Variants in ARHGAP9 observed in about 807,000 individuals in gnomAD.
ARHGAP9 encodes the protein rho GTPase-activating protein 9.
ARHGAP9 carries 76 observed loss-of-function variants against 87.3 expected under a neutral mutation model. The observed-to-expected ratio is 0.87, with a 90% CI of 0.72 to 1.05. The LOEUF (loss-of-function observed/expected upper bound fraction) is 1.05. Ranked by LOEUF, ARHGAP9 falls within the 50% of genes least tolerant of loss-of-function variation. ARHGAP9 has a pLI of 0.00. For missense variants in ARHGAP9, 941 were observed against 960.5 expected (o/e 0.98, Z 0.27); for synonymous variants, 382 against 394.9 (o/e 0.97, Z 0.39).
intron 3 of ARHGAP9, chr12:57,478,008 T>A: frequency 8.8e-7 from 1 of 1,140,594 alleles, no homozygotes; most frequent in Non-Finnish European, 1.1e-6. Flanking sequence ...CACCCTCACA[T>A]CCTGCAAGGT....
upstream of ARHGAP9, among the ~76,000 whole-genome samples, chr12:57,484,848 G>T (rs1875280622): frequency 2.0e-5 from 3 of 151,912 alleles, no homozygotes; most frequent in African/African-American, 7.3e-5. Flanking sequence ...GTTTCACTAT[G>T]TTGGCCAGGA....
chr12:57,486,565 C>CG (rs1467145374), intron 1 of ARHGAP9, among the ~76,000 whole-genome samples: 1 of 146,512 alleles, frequency 6.8e-6, no homozygotes, highest in Non-Finnish European at 1.5e-5. Context: ...CCACCGCGCC[C>CG]GGCCTTACTT....
In ARHGAP9 at chr12:57,475,371, T is replaced by C; in HGVS notation, c.1472A>G (p.Asn491Ser). The part of the protein sequence containing the change: ...SIRGPEGTEQ[N>S]RVRNKLKRLI... ...CCGCTTTAGTTTGTTGCGCACGCGG[T>C]TCTGCTCGGTGCCTTCGGGCCCCCG... is the stretch of plus-strand genomic sequence containing the variant. The change falls in exon 12 of 18, where the codon AAC becomes AGC. Residue 491 changes from asparagine (N) to serine (S), a missense_variant. Transcript: ENST00000393791. The C allele has an allele frequency of 2.5e-6, 4 of 1,600,486 alleles. No homozygotes were observed. The highest frequency in any genetic ancestry group is 3.4e-6 in the Non-Finnish European group (4 of 1,173,450).
At chr12:57,480,550 G>T (rs1195507705), upstream of ARHGAP9, among the ~76,000 whole-genome samples, 1 of 152,158 alleles carries the variant, frequency 6.6e-6, no homozygotes, top group East Asian at 1.9e-4. Flanking sequence ...AGGCACTGGA[G>T]ATGAGAGAAG....
rs768620745 is a variant in ARHGAP9 at position 57,475,492 on chromosome 12, G to T, written c.1435C>A (p.Arg479=). The T allele has an allele frequency of 5.0e-6, 8 of 1,601,546 alleles. No homozygotes were observed. The East Asian group carries it at 1.8e-4, about 36-fold the overall frequency. The change falls in exon 11 of 18, where the codon CGG becomes AGG. Residue 479 remains arginine, a synonymous_variant. Transcript: ENST00000393791. The part of the protein sequence containing the change: ...SKPLLRLSSR[R]SSIRGPEGTE... ...CCAGCCCGCGCCTCACTGGAGCTCC[G>T]GCGGCTGCTGAGGCGCAGCAGCGGC...
chr12:57,473,937 C>T (rs929604130), intron 16 of ARHGAP9, 105 bp downstream of exon 16: 24 of 1,451,826 alleles, frequency 1.7e-5, no homozygotes, highest in Non-Finnish European at 2.1e-5. Flanking sequence ...TATTTTCCAT[C>T]TCTAAAGTCA....
chr12:57,488,503 C>T (rs1875643271), intron 1 of ARHGAP9: 4 of 1,433,662 alleles, frequency 2.8e-6, no homozygotes, highest in Admixed American at 3.9e-5. Context: ...TATCAGGCAT[C>T]CCCCTCTGCT....
At chr12:57,474,210 G>A in intron 15 of ARHGAP9, 34 bp from the exon 16 acceptor site, 1 of 1,598,894 alleles carries the variant, frequency 6.3e-7, no homozygotes, top group Non-Finnish European at 8.5e-7. Context: ...GGCTCATGAA[G>A]GGCCAGAAAG....
Position 57,473,512 on chromosome 12 carries a change from T to G in ARHGAP9, c.2024+91A>C, listed in dbSNP as rs200918760. ...CACCTGCCCATTAAACTTAGGTGCTTCCCTACCTTCACTCCACCTGCACAG... is the reference window on the plus strand; with the variant it reads ...CACCTGCCCATTAAACTTAGGTGCTGCCCTACCTTCACTCCACCTGCACAG... On this transcript the variant is annotated intron_variant, in intron 17 of 17. Coordinates refer to ENST00000393791, the MANE Select transcript of ARHGAP9 (RefSeq NM_032496.4). 37 of 1,212,242 alleles carry G rather than the reference T, an allele frequency of 3.1e-5. No individual in the cohort carries two copies. The East Asian group carries it at 8.7e-4, about 28-fold the overall frequency. 75.1% of individuals were successfully genotyped at this position (1,212,242 alleles called of 1,614,324 possible). A position where few individuals can be genotyped will look rare whatever the true frequency, so the allele number is the denominator to read the frequency against.
chr12:57,482,848 A>G (rs1875128517), upstream of ARHGAP9, among the ~76,000 whole-genome samples: 1 of 151,840 alleles, frequency 6.6e-6, no homozygotes, highest in Admixed American at 6.5e-5. Context: ...GCTCAATCCC[A>G]GCACTTTGGG....
chr12:57,484,040 CAAAAA>C (rs746542310), upstream of ARHGAP9: 201 of 40,572 alleles, frequency 5.0e-3, no homozygotes, highest in South Asian at 0.015. Context: ...GACCCTGTCT[CAAAAA>C]AAAAAAAAAA....
chr12:57,477,601 G>A lies in ARHGAP9; in HGVS notation c.614C>T (p.Pro205Leu). ...CAGCAGGGGGCATGCAGGGCCTGGG[G>A]GTGGGGACCGAGGACAGCGGCGAAG... The part of the protein sequence containing the change: ...VDLRRCPRSP[P>L]PGPACPLLQR... The change falls in exon 4 of 18, where the codon CCC (proline) becomes CTC (leucine). Residue 205 changes from proline to leucine, a missense_variant. By Grantham distance (98) the Pro-to-Leu change is moderately conservative (BLOSUM62 -3). Coordinates refer to ENST00000393791, the MANE Select transcript of ARHGAP9 (RefSeq NM_032496.4). 6.2e-7 allele frequency: 1 copy of A among 1,613,322 alleles called. No homozygotes were observed. Among genetic ancestry groups the A allele is most frequent in the Non-Finnish European group, 8.5e-7 (1 of 1,179,574 alleles).
Position 57,478,294 on chromosome 12 carries a change from C to T in ARHGAP9, c.534+246G>A, listed in dbSNP as rs1463042877. 5 of 508,456 alleles carry T rather than the reference C, an allele frequency of 9.8e-6. No homozygotes were observed. The East Asian group carries it at 1.4e-4, about 14-fold the overall frequency. 31.5% of individuals were successfully genotyped at this position (508,456 alleles called of 1,614,324 possible). On this transcript the variant is annotated intron_variant, in intron 3 of 17. Transcript: ENST00000393791. ...CCTTCTCACCTCCTACCCAGTTTGC[C>T]TCTCGGCTGCCTCTTTCTCCTCCTT...
At chr12:57,477,983 T>C in intron 3 of ARHGAP9, 2 of 1,210,584 alleles carry the variant, frequency 1.7e-6, no homozygotes, top group Non-Finnish European at 2.1e-6. Context: ...GGGGGGAATG[T>C]TGAAGGGGGT....
chr12:57,480,185 G>A, upstream of ARHGAP9: 1 of 747,384 alleles, frequency 1.3e-6, no homozygotes, highest in African/African-American at 1.9e-5. Context: ...GTTCATTCAT[G>A]CTTTTTTTTT....
rs745351058 is a variant in ARHGAP9 at position 57,479,162 on chromosome 12, T to C, written c.245A>G (p.Tyr82Cys). The C allele has an allele frequency of 5.3e-5, 85 of 1,614,028 alleles. No individual in the cohort carries two copies. The highest frequency in any genetic ancestry group is 6.9e-5 in the Non-Finnish European group (82 of 1,180,018). The change falls in exon 2 of 18, where the codon TAT becomes TGT. Residue 82 changes from tyrosine (Y) to cysteine (C), a missense_variant. Physicochemically the swap from Tyr to Cys is radical, Grantham distance 194. Transcript: ENST00000393791. ...TSRPIFVPAAYMIEESIPSQS... is the reference protein window; with the variant it reads ...TSRPIFVPAACMIEESIPSQS... ...GGAAGGGATGGATTCCTCTATCATA[T>C]AGGCTGCTGGGACGAAGATGGGTCG...
At chr12:57,476,328 G>T in intron 8 of ARHGAP9, 36 bp downstream of exon 8, 3 of 1,604,014 alleles carry the variant, frequency 1.9e-6, no homozygotes, top group Non-Finnish European at 2.6e-6. Context: ...GGTAGGCAGC[G>T]CCCGCACCCA....
chr12:57,485,239 G>A (rs1393714422), intron 1 of ARHGAP9, among the ~76,000 whole-genome samples: 2 of 150,720 alleles, frequency 1.3e-5, no homozygotes, highest in Non-Finnish European at 3.0e-5. Context: ...GAACCACCAC[G>A]CCCAGCCTCT....
intron 7 of ARHGAP9, 52 bp downstream of exon 7, chr12:57,476,538 T>C (rs1053438484): frequency 1.6e-5 from 26 of 1,613,208 alleles, no homozygotes; most frequent in Admixed American, 1.0e-4. Context: ...AACACCCTGC[T>C]CTACCCTATG....
Sources: allele counts gnomAD v4.1 joint callset (sites outside exome capture counted in the v4.1 genomes callset), GRCh38; gene constraint gnomAD v4.1.1; transcripts MANE v1.5; gene names NCBI Gene and HGNC (gene_info 2026-07-23, HGNC 2026-07-21).